PAFAH1B2: variants seen among roughly 807,000 people sequenced by gnomAD.
PAFAH1B2 encodes the protein platelet-activating factor acetylhydrolase IB subunit alpha2.
In PAFAH1B2, 8 loss-of-function variants were observed where a neutral mutation model predicts 28.0. That is an observed-to-expected ratio of 0.29 (90% CI 0.17 to 0.52). The LOEUF is 0.52. PAFAH1B2 is among the 20% of genes least tolerant of loss of function. The pLI, the probability that PAFAH1B2 is intolerant of heterozygous loss-of-function variation, is 0.97. For synonymous variants in PAFAH1B2, 104 were observed against 103.2 expected, an observed-to-expected ratio of 1.01 and a Z score of -0.05; for missense variants, 190 against 282.6, an observed-to-expected ratio of 0.67 and a Z score of 2.35.
intron 2 of PAFAH1B2, among the ~76,000 whole-genome samples, chr11:117,158,191 TTTG>T (rs1457952706): frequency 2.6e-5 from 4 of 151,984 alleles, no homozygotes; most frequent in Non-Finnish European, 5.9e-5. Context: ...ATGGGTAAAA[TTTG>T]TTTTCTTTTT....
chr11:117,175,382 G>A (rs565485690), downstream of PAFAH1B2: 5 of 1,071,874 alleles, frequency 4.7e-6, no homozygotes, highest in Admixed American at 5.2e-5. Context: ...TCATAAGTGC[G>A]GGGTAGGGCA....
At chr11:117,150,338 G>A (rs1435564570) in intron 1 of PAFAH1B2, among the ~76,000 whole-genome samples, 1 of 151,838 alleles carries the variant, frequency 6.6e-6, no homozygotes, top group Non-Finnish European at 1.5e-5. Flanking sequence ...TTGTAGAGAC[G>A]GGGGTTTCAC....
chr11:117,164,021 C>G, intron 5 of PAFAH1B2, 129 bp downstream of exon 5: 1 of 879,296 alleles, frequency 1.1e-6, no homozygotes, highest in Middle Eastern at 2.3e-4. Flanking sequence ...TTTCGTTGAC[C>G]TCTTCTTTAA....
rs1956583825 is a variant in PAFAH1B2 at position 117,168,977 on chromosome 11, G to T, written c.*1278G>T. The T allele has an allele frequency of 3.1e-6, 1 of 324,678 alleles. No homozygotes were observed. Among genetic ancestry groups the T allele is most frequent in the East Asian group, 8.7e-5 (1 of 11,470 alleles). The allele number at this position is 324,678 out of a possible 1,614,324, so 20.1% of individuals were successfully genotyped here. ...GGCTAATTTTTATATTTTTATTAGA[G>T]ACGGGATTTCGCCATGTTAACCAGG... On this transcript the variant is annotated 3_prime_UTR_variant, in exon 6 of 6. Transcript: ENST00000527958.
chr11:117,169,509 G>C lies in PAFAH1B2; in HGVS notation c.*1810G>C. ...ATGTTGGAGGAGGGCTTACTGATGC[G>C]TGCTAAGACCGATTTCTGATTGAGG... On this transcript the variant is annotated 3_prime_UTR_variant, in exon 6 of 6. Transcript: ENST00000527958. The C allele has an allele frequency of 1.9e-6, 2 of 1,054,864 alleles. No individual in the cohort carries two copies. Among genetic ancestry groups the C allele is most frequent in the Non-Finnish European group, 2.3e-6 (2 of 872,668 alleles). 65.3% of individuals were successfully genotyped at this position (1,054,864 alleles called of 1,614,324 possible). A position where few individuals can be genotyped will look rare whatever the true frequency, so the allele number is the denominator to read the frequency against.
At chr11:117,174,676 C>T (rs1409718072), downstream of PAFAH1B2, among the ~76,000 whole-genome samples, 2 of 152,246 alleles carry the variant, frequency 1.3e-5, no homozygotes, top group African/African-American at 4.8e-5. Context: ...CAGGGTTTCT[C>T]CATGTCTGTC....
At chr11:117,175,627 T>A (rs1049382565), downstream of PAFAH1B2, 4 of 1,234,644 alleles carry the variant, frequency 3.2e-6, no homozygotes, top group African/African-American at 6.2e-5. Flanking sequence ...AGAGCAGTGG[T>A]TCTCAAACTT....
chr11:117,160,904 G>A (rs1956357617), intron 3 of PAFAH1B2, among the ~76,000 whole-genome samples: 1 of 151,278 alleles, frequency 6.6e-6, no homozygotes, highest in East Asian at 1.9e-4. Context: ...AATTATTAAT[G>A]TTGATACCTT....
intron 2 of PAFAH1B2, among the ~76,000 whole-genome samples, chr11:117,158,663 A>G (rs1409176173): frequency 1.0e-5 from 1 of 97,634 alleles, no homozygotes; most frequent in Non-Finnish European, 2.0e-5. Flanking sequence ...TTTTTTTTTA[A>G]GATGGAGTTT....
At chr11:117,171,886 G>A, downstream of PAFAH1B2, 1 of 663,280 alleles carries the variant, frequency 1.5e-6, no homozygotes, top group African/African-American at 1.8e-5. Context: ...AAAATTTGGA[G>A]GTAAATTGAG....
downstream of PAFAH1B2, chr11:117,175,680 GT>G: frequency 8.0e-7 from 1 of 1,255,860 alleles, no homozygotes; most frequent in Non-Finnish European, 1.0e-6. Context: ...TTAAATTGCA[GT>G]TTTCTGGGCT....
intron 1 of PAFAH1B2, among the ~76,000 whole-genome samples, chr11:117,149,033 ATTTTTTTT>A (rs71037462): frequency 2.5e-5 from 3 of 118,626 alleles, no homozygotes; most frequent in African/African-American, 9.5e-5. Flanking sequence ...ACACCTGCCA[ATTTTTTTT>A]TTTTTTTTTT....
At chr11:117,156,078 A>G (rs1055016939) in intron 2 of PAFAH1B2, among the ~76,000 whole-genome samples, 1 of 152,170 alleles carries the variant, frequency 6.6e-6, no homozygotes, top group African/African-American at 2.4e-5. Flanking sequence ...AGTCCCAGCT[A>G]CTGGGGGGCC....
At chr11:117,145,734 C>T (rs2306471) in intron 1 of PAFAH1B2, among the ~76,000 whole-genome samples, 8,177 of 152,266 alleles carry the variant, frequency 0.054, 260 homozygotes, top group Middle Eastern at 0.1. Flanking sequence ...CCCTCTGAAA[C>T]AAAGTGGAGA....
At chr11:117,174,115 T>C (rs1405017101), downstream of PAFAH1B2, among the ~76,000 whole-genome samples, 1 of 151,754 alleles carries the variant, frequency 6.6e-6, no homozygotes, top group Non-Finnish European at 1.5e-5. Flanking sequence ...AGCTAATCCA[T>C]TTACTGTGAT....
Position 117,167,560 on chromosome 11 carries a change from G to T in PAFAH1B2, c.551G>T (p.Gly184Val). 6.2e-7 allele frequency: 1 copy of T among 1,612,964 alleles called. No homozygotes were observed. ...DTDGGFVHSD[G>V]AISCHDMFDF... ...GACGGGGGTTTTGTGCACTCGGACG[G>T]TGCCATCTCCTGCCACGACATGTTT... Residue 184 changes from glycine (G) to valine (V), a missense_variant, in exon 6 of 6, where the codon GGT becomes GTT. Gly to Val is a moderately radical substitution (Grantham distance 109, BLOSUM62 -3). Coordinates refer to ENST00000527958, the MANE Select transcript of PAFAH1B2 (RefSeq NM_002572.4).
Position 117,170,169 on chromosome 11 carries a change from A to G in PAFAH1B2, c.*2470A>G, listed in dbSNP as rs1435752752. 1 of 1,055,950 alleles carries G rather than the reference A, an allele frequency of 9.5e-7. No individual in the cohort carries two copies. The highest frequency in any genetic ancestry group is 5.4e-5 in the Admixed American group (1 of 18,404). 65.4% of individuals were successfully genotyped at this position (1,055,950 alleles called of 1,614,324 possible). On this transcript the variant is annotated 3_prime_UTR_variant, in exon 6 of 6. Coordinates refer to ENST00000527958, the MANE Select transcript of PAFAH1B2 (RefSeq NM_002572.4). ...TTTCTTTGACATCCTAGTTTGCGTC[A>G]GTGACAGAACTTACTGCTTAGTCTT...
chr11:117,144,747 C>CGCCCTGCCCTGCCCT (rs750096171), intron 1 of PAFAH1B2, among the ~76,000 whole-genome samples: 2 of 151,926 alleles, frequency 1.3e-5, no homozygotes, highest in Admixed American at 6.5e-5. Context: ...CGCCCCGCCC[C>CGCCCTGCCCTGCCCT]GCCCTGCCCT....
Position 117,169,011 on chromosome 11 carries a change from G to A in PAFAH1B2, c.*1312G>A, listed in dbSNP as rs1443870206. 8 of 479,410 alleles carry A rather than the reference G, an allele frequency of 1.7e-5. No individual in the cohort carries two copies. Among genetic ancestry groups the A allele is most frequent in the Non-Finnish European group, 2.0e-5 (7 of 357,894 alleles). 29.7% of individuals were successfully genotyped at this position (479,410 alleles called of 1,614,324 possible). On this transcript the variant is annotated 3_prime_UTR_variant, in exon 6 of 6. Coordinates refer to ENST00000527958, the MANE Select transcript of PAFAH1B2 (RefSeq NM_002572.4). ...TCGCCATGTTAACCAGGCTGGTCTC[G>A]AACTCCTGACCTCAGGTGATCTGCC...
Sources: allele counts gnomAD v4.1 joint callset (sites outside exome capture counted in the v4.1 genomes callset), GRCh38; gene constraint gnomAD v4.1.1; transcripts MANE v1.5; gene names NCBI Gene and HGNC (gene_info 2026-07-23, HGNC 2026-07-21).